The following TMEM64 variants were observed in gnomAD, a reference collection of about 807,000 sequenced individuals.
TMEM64 encodes transmembrane protein 64.
Under a neutral mutation model 24.5 loss-of-function variants are expected in TMEM64, and 19 were observed. That is an observed-to-expected ratio of 0.78 (90% CI 0.54 to 1.14). The LOEUF is 1.14. Ranked by LOEUF, TMEM64 falls within the 50% of genes most tolerant of loss-of-function variation. The pLI is 0.00. For missense variants in TMEM64, 487 were observed against 493.0 expected (o/e 0.99, Z 0.12); for synonymous variants, 262 against 224.7 (o/e 1.17, Z -1.49).
rs1809692967 is a variant in TMEM64 at position 90,645,826 on chromosome 8, A to G, written c.80T>C (p.Leu27Pro). ...CCGCGGCAGGGCCCAGCGGGCCGGC[A>G]GCTCGGCGAGGCCCGGGAGGGCGGC... ...QHAALPGLAELPARWALPRGA... is the reference protein window; with the variant it reads ...QHAALPGLAEPPARWALPRGA... Residue 27 changes from leucine to proline, a missense_variant, in exon 1 of 3, where the codon CTG becomes CCG. Around this residue, in one of 3 missense-constraint regions of TMEM64, gnomAD observed 419 missense variants for 407.5 expected, o/e 1.03. Transcript: ENST00000458549. The surrounding 1 kb of genome is among the most constrained non-coding windows in gnomAD (Gnocchi z 4.2). 4 of 1,070,652 alleles carry G rather than the reference A, an allele frequency of 3.7e-6. No homozygotes were observed. Among genetic ancestry groups the G allele is most frequent in the Non-Finnish European group, 4.5e-6 (4 of 886,006 alleles). 66.3% of individuals were successfully genotyped at this position (1,070,652 alleles called of 1,614,324 possible).
At chr8:90,643,003 T>C (rs1809629656) in intron 1 of TMEM64, among the ~76,000 whole-genome samples, 1 of 152,204 alleles carries the variant, frequency 6.6e-6, no homozygotes, top group African/African-American at 2.4e-5. Flanking sequence ...TTCAACTACA[T>C]GATTACCTTA....
intron 1 of TMEM64, among the ~76,000 whole-genome samples, chr8:90,637,931 C>T (rs910904665): frequency 7.2e-5 from 11 of 152,196 alleles, no homozygotes; most frequent in African/African-American, 2.7e-4. Flanking sequence ...CCAATCTCAG[C>T]GGCCCTAGCT....
rs1416597119 is a variant in TMEM64 at position 90,640,947 on chromosome 8, AG to A, written c.795+4163del. On this transcript the variant is annotated intron_variant, in intron 1 of 2. Coordinates refer to ENST00000458549, the MANE Select transcript of TMEM64 (RefSeq NM_001008495.4). ...AAAGCAGTTCCCTAAGAAGTGAGCC[AG>A]GGTGATGGGTAAGGTCTTGCACTTT... is the stretch of plus-strand genomic sequence containing the variant. 5.9e-5 allele frequency among the ~76,000 whole-genome samples: 9 copies of A among 152,354 alleles called. No individual in the cohort carries two copies. The East Asian group carries it at 1.7e-3, about 29-fold the overall frequency.
intron 1 of TMEM64, among the ~76,000 whole-genome samples, chr8:90,638,669 G>A (rs1362343057): frequency 1.3e-5 from 2 of 151,944 alleles, no homozygotes; most frequent in Admixed American, 6.5e-5. Context: ...TTTATTGGAG[G>A]TTGGATGTAT....
At chr8:90,640,685 A>C (rs1809591167) in intron 1 of TMEM64, among the ~76,000 whole-genome samples, 1 of 152,248 alleles carries the variant, frequency 6.6e-6, no homozygotes, top group South Asian at 2.1e-4. Flanking sequence ...ATATAAACTA[A>C]ATTAGTAAAA....
intron 1 of TMEM64, among the ~76,000 whole-genome samples, chr8:90,637,249 C>G (rs903382487): frequency 6.6e-6 from 1 of 152,190 alleles, no homozygotes; most frequent in East Asian, 1.9e-4. Flanking sequence ...GGGTTGTGGT[C>G]GGTCCTCTTA....
rs1235879959 is a variant in TMEM64, at chr8:90,623,685, G to A, written c.*1986C>T. The A allele has an allele frequency of 6.6e-6, 1 of 152,422 alleles. No homozygotes were observed. The highest frequency in any genetic ancestry group is 1.5e-5 in the Non-Finnish European group (1 of 67,962). The allele number at this position is 152,422 out of a possible 1,614,324, so 9.4% of individuals were successfully genotyped here. ...AGAACTCATTACAAACTACCAAAAT[G>A]TATTCATTTGGTGAAATTATTCAAG... On this transcript the variant is annotated 3_prime_UTR_variant, in exon 3 of 3. Coordinates refer to ENST00000458549, the MANE Select transcript of TMEM64 (RefSeq NM_001008495.4).
At chr8:90,637,083 T>C (rs1274356439) in intron 1 of TMEM64, among the ~76,000 whole-genome samples, 1 of 151,908 alleles carries the variant, frequency 6.6e-6, no homozygotes, top group East Asian at 1.9e-4. Context: ...CTATACCAAA[T>C]AGATCCTGAA....
In TMEM64 at chr8:90,631,596, T is replaced by A; in HGVS notation, c.907A>T (p.Ile303Phe). ...TATCCACTAACACTCTGTTCTGCAATGACATCTTCCATTGTCCGCAGGGTG... is the reference window on the plus strand; with the variant it reads ...TATCCACTAACACTCTGTTCTGCAAAGACATCTTCCATTGTCCGCAGGGTG... ...GTTLRTMEDV[I>F]AEQSVSGYFV... The change falls in exon 2 of 3, where the codon ATT becomes TTT. Residue 303 changes from isoleucine to phenylalanine, a missense_variant. Coordinates refer to ENST00000458549, the MANE Select transcript of TMEM64 (RefSeq NM_001008495.4). The A allele has an allele frequency of 6.2e-7, 1 of 1,613,414 alleles. No homozygotes were observed. Among genetic ancestry groups the A allele is most frequent in the Non-Finnish European group, 8.5e-7 (1 of 1,179,450 alleles).
chr8:90,641,362 TGTG>T (rs140388280), intron 1 of TMEM64, among the ~76,000 whole-genome samples: 15,341 of 152,216 alleles, frequency 0.1, 1,172 homozygotes, highest in African/African-American at 0.22. Context: ...GAAATATTCT[TGTG>T]GTATTTTTTC....
At position 90,625,543 on chromosome 8, in the gene TMEM64, C is replaced by A; in HGVS notation, c.*128G>T. On this transcript the variant is annotated 3_prime_UTR_variant, in exon 3 of 3. Coordinates refer to ENST00000458549, the MANE Select transcript of TMEM64 (RefSeq NM_001008495.4). Reference sequence around the variant, plus strand: ...CTTGCTTTAAAAAAAAAAAATTGTGCAATTTAAAAACTAGTCAGTTTTGTT... The same window carrying A: ...CTTGCTTTAAAAAAAAAAAATTGTGAAATTTAAAAACTAGTCAGTTTTGTT... 5 of 742,874 alleles carry A rather than the reference C, an allele frequency of 6.7e-6. No individual in the cohort carries two copies. Among genetic ancestry groups the A allele is most frequent in the East Asian group, 2.8e-5 (1 of 36,322 alleles). The allele number at this position is 742,874 out of a possible 1,614,324, so 46.0% of individuals were successfully genotyped here.
chr8:90,626,346 A>G (rs1809358975), intron 2 of TMEM64, among the ~76,000 whole-genome samples: 1 of 152,238 alleles, frequency 6.6e-6, no homozygotes, highest in Non-Finnish European at 1.5e-5. Flanking sequence ...AGTATTACAG[A>G]CCACTTAAAA....
intron 1 of TMEM64, among the ~76,000 whole-genome samples, chr8:90,640,415 G>T (rs926281264): frequency 6.6e-6 from 1 of 152,098 alleles, no homozygotes; most frequent in East Asian, 1.9e-4. Context: ...TCACTAAACT[G>T]TTAAAAAATA....
At position 90,645,735 on chromosome 8, in the gene TMEM64, T is replaced by C. The variant is rs1586133776; in HGVS notation, c.171A>G (p.Ala57=). The change falls in exon 1 of 3, where the codon GCA becomes GCG. Residue 57 remains alanine (A), a synonymous_variant. Coordinates refer to ENST00000458549, the MANE Select transcript of TMEM64 (RefSeq NM_001008495.4). The surrounding 1 kb of genome is among the most constrained non-coding windows in gnomAD (Gnocchi z 4.2). ...PRGGGASAAA[A]AAAASGALLG... ...GCAGGGCGCCCGAGGCCGCCGCTGC[T>C]GCCGCCGCCGCGCTCGCCCCGCCCC... is the stretch of plus-strand genomic sequence containing the variant. The C allele has an allele frequency of 4.4e-6, 5 of 1,145,066 alleles. No homozygotes were observed. Among genetic ancestry groups the C allele is most frequent in the Non-Finnish European group, 5.4e-6 (5 of 934,060 alleles). The allele number at this position is 1,145,066 out of a possible 1,614,324, so 70.9% of individuals were successfully genotyped here.
intron 2 of TMEM64, among the ~76,000 whole-genome samples, chr8:90,628,392 C>T (rs1809392307): frequency 6.6e-6 from 1 of 152,138 alleles, no homozygotes; most frequent in Non-Finnish European, 1.5e-5. Context: ...AAGATGGAAA[C>T]AGGCGAAGGA....
rs1326916099 is a variant in TMEM64 at position 90,622,235 on chromosome 8, G to A, written c.*3436C>T. On this transcript the variant is annotated 3_prime_UTR_variant, in exon 3 of 3. Transcript: ENST00000458549. ...TGAACTCCTGAGTTTTAAATATCCT[G>A]TGGAACAGTGATTCCTCTCCCTTCT... 1 of 152,164 alleles carries A rather than the reference G, an allele frequency of 6.6e-6. No homozygotes were observed. The highest frequency in any genetic ancestry group is 1.9e-4 in the East Asian group (1 of 5,188). The allele number at this position is 152,164 out of a possible 1,614,324, so 9.4% of individuals were successfully genotyped here. A position where few individuals can be genotyped will look rare whatever the true frequency, so the allele number is the denominator to read the frequency against.
chr8:90,640,676 T>C (rs1809591039), intron 1 of TMEM64, among the ~76,000 whole-genome samples: 1 of 152,248 alleles, frequency 6.6e-6, no homozygotes, highest in Non-Finnish European at 1.5e-5. Context: ...TCAGTTCAAA[T>C]ATAAACTAAA....
chr8:90,631,996 T>C (rs1168763517), intron 1 of TMEM64, among the ~76,000 whole-genome samples: 2 of 152,270 alleles, frequency 1.3e-5, no homozygotes, highest in African/African-American at 4.8e-5. Flanking sequence ...TTGATAACTT[T>C]GTAAAAACAG....
chr8:90,628,561 G>C (rs1333474877), intron 2 of TMEM64, among the ~76,000 whole-genome samples: 1 of 152,148 alleles, frequency 6.6e-6, no homozygotes, highest in Non-Finnish European at 1.5e-5. Flanking sequence ...AATGTGTCTG[G>C]TTACATGACT....
Sources: gnomAD v4.1 joint callset for allele counts (sites outside exome capture counted in the v4.1 genomes callset) on GRCh38, gnomAD v4.1.1 for gene constraint, gnomAD v4.1.1 regional missense constraint, Gnocchi (gnomAD v3.1) non-coding constraint, MANE v1.5 for transcripts, NCBI Gene and HGNC (gene_info 2026-07-23, HGNC 2026-07-21) for gene names.